The following OCIAD2 variants were observed in gnomAD, a reference collection of about 807,000 sequenced individuals.
OCIAD2 encodes OCIA domain containing 2.
Under a neutral mutation model 22.9 loss-of-function variants are expected in OCIAD2, and 29 were observed. The observed-to-expected ratio is 1.27, with a 90% CI of 0.94 to 1.73. The LOEUF (loss-of-function observed/expected upper bound fraction) is 1.73. OCIAD2 is among the 40% of genes most tolerant of loss of function. OCIAD2 has a pLI of 0.00. For synonymous variants in OCIAD2, 67 were observed against 60.2 expected (o/e 1.11, Z -0.52); for missense variants, 189 against 180.3 (o/e 1.05, Z -0.28).
At chr4:48,888,108 G>A (rs1781044848) in intron 6 of OCIAD2, among the ~76,000 whole-genome samples, 1 of 152,142 alleles carries the variant, frequency 6.6e-6, no homozygotes, top group African/African-American at 2.4e-5. Context: ...CAATTGTGAT[G>A]GGAGTTCACT....
At chr4:48,901,074 T>C (rs1021867049) in intron 2 of OCIAD2, among the ~76,000 whole-genome samples, 13 of 152,292 alleles carry the variant, frequency 8.5e-5, no homozygotes, top group Admixed American at 7.8e-4. Context: ...TTTATTTCTA[T>C]CCATTCTTGC....
intron 2 of OCIAD2, among the ~76,000 whole-genome samples, chr4:48,900,278 C>T (rs562307677): frequency 7.9e-5 from 12 of 152,246 alleles, no homozygotes; most frequent in African/African-American, 2.6e-4. Context: ...CTGTTCACTC[C>T]CTTCGCCTGA....
rs750453203 is a variant in OCIAD2 at position 48,894,092 on chromosome 4, A to G, written c.218-39T>C. ...AAGAAAAACATTATTATTTCATTTC[A>G]TAAATTAAATTATAAGTTATAAATT... On this transcript the variant is annotated intron_variant, in intron 4 of 6. Coordinates refer to ENST00000508632, the MANE Select transcript of OCIAD2 (RefSeq NM_001014446.3). 4.9e-6 allele frequency: 5 copies of G among 1,030,104 alleles called. No individual in the cohort carries two copies. The African/African-American group carries it at 6.7e-5, about 14-fold the overall frequency. The allele number at this position is 1,030,104 out of a possible 1,614,324, so 63.8% of individuals were successfully genotyped here. A position where few individuals can be genotyped will look rare whatever the true frequency, so the allele number is the denominator to read the frequency against.
chr4:48,885,567 T>G lies in OCIAD2; in HGVS notation c.384-2A>C, dbSNP rs755368529. 6.3e-7 allele frequency: 1 copy of G among 1,585,668 alleles called. No individual in the cohort carries two copies. Among genetic ancestry groups the G allele is most frequent in the South Asian group, 1.1e-5 (1 of 90,312 alleles). ...TCCTCACAGGTAAGGAGGCAGTGCC[T>G]AGAAGAGAAGCAAAAATAGACAGCG... On this transcript the variant is annotated splice_acceptor_variant, in intron 6 of 6. Coordinates refer to ENST00000508632, the MANE Select transcript of OCIAD2 (RefSeq NM_001014446.3). LOFTEE classifies it high-confidence loss of function.
intron 1 of OCIAD2, among the ~76,000 whole-genome samples, chr4:48,906,227 C>T (rs1399956183): frequency 6.6e-6 from 1 of 152,216 alleles, no homozygotes; most frequent in Non-Finnish European, 1.5e-5. Context: ...ACCCCCCACG[C>T]TGGGGTGGTC....
At chr4:48,885,712 G>A (rs1780966116) in intron 6 of OCIAD2, 147 bp from the exon 7 acceptor site, 7 of 553,320 alleles carry the variant, frequency 1.3e-5, no homozygotes, top group Admixed American at 6.6e-5. Context: ...GGCTGGTCTC[G>A]AGGGCTCAAG....
At position 48,904,508 on chromosome 4, in the gene OCIAD2, G is replaced by T. The variant is rs745993404; in HGVS notation, c.42C>A (p.Ala14=). 4 of 1,613,886 alleles carry T rather than the reference G, an allele frequency of 2.5e-6. No homozygotes were observed. Among genetic ancestry groups the T allele is most frequent in the South Asian group, 1.1e-5 (1 of 91,078 alleles). The change falls in exon 2 of 7, where the codon GCC becomes GCA. Residue 14 remains alanine, a synonymous_variant. Transcript: ENST00000508632. ...CCTGCTTGCTTGGTGGTGGAAAATGGGCATCTTTATCTTGGTTTCCACGAG... is the reference window on the plus strand; with the variant it reads ...CCTGCTTGCTTGGTGGTGGAAAATGTGCATCTTTATCTTGGTTTCCACGAG... ...ASARGNQDKD[A]HFPPPSKQSL...
chr4:48,889,930 A>G (rs1205326789), intron 6 of OCIAD2, among the ~76,000 whole-genome samples: 1 of 152,204 alleles, frequency 6.6e-6, no homozygotes, highest in Admixed American at 6.5e-5. Flanking sequence ...ACAGCCATAA[A>G]AAAGGATGAG....
chr4:48,906,548 G>C (rs939182364), intron 1 of OCIAD2, 110 bp downstream of exon 1: 33 of 152,740 alleles, frequency 2.2e-4, no homozygotes, highest in Admixed American at 2.2e-3. Context: ...GGGGAGAGTG[G>C]GGGGCGGCCA....
chr4:48,895,716 T>G (rs1425608954), intron 4 of OCIAD2, among the ~76,000 whole-genome samples: 1 of 152,168 alleles, frequency 6.6e-6, no homozygotes, highest in Non-Finnish European at 1.5e-5. Flanking sequence ...TTTTAATACT[T>G]ATAAAACATA....
intron 6 of OCIAD2, among the ~76,000 whole-genome samples, chr4:48,892,429 A>G (rs1232545440): frequency 6.6e-6 from 1 of 152,208 alleles, no homozygotes; most frequent in Admixed American, 6.5e-5. Context: ...ATTAACATAG[A>G]AAAAGCTCTG....
intron 6 of OCIAD2, among the ~76,000 whole-genome samples, chr4:48,889,673 TCAA>T (rs1781108205): frequency 6.6e-6 from 1 of 152,200 alleles, no homozygotes; most frequent in South Asian, 2.1e-4. Flanking sequence ...GTAAAGTAGT[TCAA>T]CCATTATGGA....
rs538353188 is a variant in OCIAD2 at position 48,901,678 on chromosome 4, G to A, written c.67-1753C>T. Among the ~76,000 whole-genome samples, 12 of 152,184 alleles carry A rather than the reference G, an allele frequency of 7.9e-5. No homozygotes were observed. In the South Asian group the frequency reaches 2.5e-3, roughly 32 times the overall value. ...AATTGGATCTGGGTTGTAATCTTTT[G>A]TTATATATTGGCTCATTAATTTTTT... On this transcript the variant is annotated intron_variant, in intron 2 of 6. Transcript: ENST00000508632.
At chr4:48,892,708 G>T in intron 6 of OCIAD2, 64 bp downstream of exon 6, 1 of 811,122 alleles carries the variant, frequency 1.2e-6, no homozygotes, top group Non-Finnish European at 1.9e-6. Flanking sequence ...TATAAATAGT[G>T]AGTAATCTTT....
intron 6 of OCIAD2, among the ~76,000 whole-genome samples, chr4:48,887,111 A>T (rs1311142476): frequency 2.6e-5 from 4 of 152,020 alleles, no homozygotes; most frequent in African/African-American, 9.7e-5. Flanking sequence ...GCATTTTTTC[A>T]TGTGTCTTTT....
At chr4:48,889,252 GCAGT>G (rs1264650721) in intron 6 of OCIAD2, among the ~76,000 whole-genome samples, 3 of 152,072 alleles carry the variant, frequency 2.0e-5, no homozygotes, top group Non-Finnish European at 4.4e-5. Flanking sequence ...AGTCTTGCTA[GCAGT>G]CAATCAATTT....
intron 3 of OCIAD2, among the ~76,000 whole-genome samples, 169 bp downstream of exon 3, chr4:48,899,660 C>A (rs1781374000): frequency 6.6e-6 from 1 of 152,166 alleles, no homozygotes; most frequent in Admixed American, 6.6e-5. Flanking sequence ...CAGATATTAT[C>A]TCTGCCCTAA....
At chr4:48,894,139 A>G in intron 4 of OCIAD2, 86 bp from the exon 5 acceptor site, 1 of 650,038 alleles carries the variant, frequency 1.5e-6, no homozygotes. Flanking sequence ...TTAAAGTATA[A>G]AGAAACCTCC....
At chr4:48,898,890 A>G (rs190764830) in intron 3 of OCIAD2, among the ~76,000 whole-genome samples, 1 of 152,190 alleles carries the variant, frequency 6.6e-6, no homozygotes, top group Non-Finnish European at 1.5e-5. Flanking sequence ...CAACAAAGAC[A>G]AATCAAATAG....
Sources: allele counts gnomAD v4.1 joint callset (sites outside exome capture counted in the v4.1 genomes callset), GRCh38; gene constraint gnomAD v4.1.1; transcripts MANE v1.5; gene names NCBI Gene and HGNC (gene_info 2026-07-23, HGNC 2026-07-21).